Variants in NAALADL2 observed in about 807,000 individuals in gnomAD.
The protein encoded by NAALADL2 is inactive N-acetylated-alpha-linked acidic dipeptidase-like protein 2.
NAALADL2 carries 76 observed loss-of-function variants against 87.2 expected under a neutral mutation model. The observed-to-expected ratio is 0.87, with a 90% confidence interval of 0.72 to 1.05. NAALADL2 has a LOEUF of 1.05. NAALADL2 is among the 50% of genes least tolerant of loss of function. The pLI, the probability that NAALADL2 is intolerant of heterozygous loss-of-function variation, is 0.00. For synonymous variants in NAALADL2, 354 were observed against 331.0 expected, an observed-to-expected ratio of 1.07 and a Z score of -0.75; for missense variants, 1,089 against 945.8, an observed-to-expected ratio of 1.15 and a Z score of -1.99.
At chr3:175,755,069 A>G in intron 12 of NAALADL2, 151 bp from the exon 13 acceptor site, 2 of 535,418 alleles carry the variant, frequency 3.7e-6, no homozygotes, top group Non-Finnish European at 6.3e-6. Context: ...GTCAAGTGAC[A>G]AAAAAAAAGA....
chr3:174,696,028 C>T (rs146592315), intron 2 of NAALADL2, among the ~76,000 whole-genome samples: 5 of 152,098 alleles, frequency 3.3e-5, no homozygotes, highest in African/African-American at 1.2e-4. Context: ...TAAAATGCTC[C>T]TGAGATCTCC....
chr3:174,959,393 C>G (rs1020644890), intron 1 of NAALADL2, among the ~76,000 whole-genome samples: 1 of 151,922 alleles, frequency 6.6e-6, no homozygotes, highest in Non-Finnish European at 1.5e-5. Context: ...ATACTTTGTG[C>G]CATTGTGCTG....
intron 5 of NAALADL2, among the ~76,000 whole-genome samples, chr3:175,446,741 A>G (rs1463057855): frequency 6.6e-6 from 1 of 152,142 alleles, no homozygotes; most frequent in Non-Finnish European, 1.5e-5. Context: ...TTGCAGCCCT[A>G]TTTTAATAGG....
chr3:174,882,868 T>C (rs954148247), intron 1 of NAALADL2, among the ~76,000 whole-genome samples: 1 of 148,204 alleles, frequency 6.7e-6, no homozygotes, highest in African/African-American at 2.5e-5. Flanking sequence ...TACATATGTG[T>C]ATATGTGTAT....
chr3:175,659,528 T>C (rs1731962627), intron 11 of NAALADL2, among the ~76,000 whole-genome samples: 1 of 152,186 alleles, frequency 6.6e-6, no homozygotes, highest in South Asian at 2.1e-4. Flanking sequence ...TTTTTAGTTA[T>C]TGGAATATTG....
At chr3:175,733,944 C>T (rs756587091) in intron 11 of NAALADL2, among the ~76,000 whole-genome samples, 2 of 152,306 alleles carry the variant, frequency 1.3e-5, no homozygotes, top group Non-Finnish European at 2.9e-5. Context: ...AGGTGGGTTC[C>T]CATGGCCTTG....
intron 1 of NAALADL2, among the ~76,000 whole-genome samples, chr3:174,895,749 A>G (rs1362008970): frequency 1.3e-5 from 2 of 152,140 alleles, no homozygotes; most frequent in Admixed American, 6.6e-5. Flanking sequence ...GCAAACAAAC[A>G]AACAACTGCA....
intron 11 of NAALADL2, among the ~76,000 whole-genome samples, chr3:175,691,225 T>G (rs1736993507): frequency 6.6e-6 from 1 of 150,794 alleles, no homozygotes; most frequent in African/African-American, 2.4e-5. Context: ...TGTATATATA[T>G]TTATCTCTGT....
intron 9 of NAALADL2, among the ~76,000 whole-genome samples, chr3:175,517,522 T>C (rs1413165002): frequency 6.6e-6 from 1 of 152,214 alleles, no homozygotes; most frequent in African/African-American, 2.4e-5. Flanking sequence ...GCAAATTTGC[T>C]ATTTGTGTTA....
intron 9 of NAALADL2, among the ~76,000 whole-genome samples, chr3:175,544,109 G>A (rs563900822): frequency 6.6e-6 from 1 of 152,280 alleles, no homozygotes; most frequent in African/African-American, 2.4e-5. Flanking sequence ...AACAGTGTCA[G>A]GATTCTGGGC....
At chr3:174,715,056 CAT>C (rs1266881197) in intron 2 of NAALADL2, among the ~76,000 whole-genome samples, 30 of 152,128 alleles carry the variant, frequency 2.0e-4, no homozygotes, top group Non-Finnish European at 1.5e-5. Context: ...TTGAGATAAT[CAT>C]GTGACAATTT....
rs796222043 is a variant in NAALADL2, at chr3:174,686,487, C to CT, written c.-114-51143dup. Among the ~76,000 whole-genome samples the CT allele has an allele frequency of 1.5e-3, 213 of 145,700 alleles. No individual in the cohort carries two copies. In the East Asian group the frequency reaches 0.016, roughly 11 times the overall value. On this transcript the variant is annotated intron_variant, in intron 2 of 3. Transcript: ENST00000434257. ...TGTTAAGCTTTTTTCATATGTTGAG[C>CT]TTTTTTTTTTTCCACATGATTATTG...
chr3:174,639,470 T>C (rs1722962783), intron 2 of NAALADL2, among the ~76,000 whole-genome samples: 1 of 152,164 alleles, frequency 6.6e-6, no homozygotes. Context: ...CACTGGGAGT[T>C]TGAAATCAGA....
intron 3 of NAALADL2, among the ~76,000 whole-genome samples, chr3:174,815,478 G>A (rs1358964660): frequency 6.6e-6 from 1 of 152,120 alleles, no homozygotes; most frequent in Non-Finnish European, 1.5e-5. Flanking sequence ...AGGCTGGAGT[G>A]CAGTGGCACA....
intron 1 of NAALADL2, among the ~76,000 whole-genome samples, chr3:175,041,364 A>G (rs565562620): frequency 1.7e-4 from 26 of 152,326 alleles, no homozygotes; most frequent in Admixed American, 4.6e-4. Context: ...ATCTATTTGC[A>G]GAATGACTTG....
intron 4 of NAALADL2, among the ~76,000 whole-genome samples, chr3:175,278,804 TAGAG>T (rs1753913961): frequency 6.6e-6 from 1 of 152,136 alleles, no homozygotes; most frequent in Non-Finnish European, 1.5e-5. Flanking sequence ...TGGCAGAACT[TAGAG>T]AGTTGGAATC....
intron 4 of NAALADL2, among the ~76,000 whole-genome samples, chr3:175,302,048 A>C (rs1168076750): frequency 2.6e-5 from 4 of 152,164 alleles, no homozygotes; most frequent in Non-Finnish European, 5.9e-5. Context: ...TGCAGAAAGC[A>C]GTAATCAATC....
At chr3:175,276,141 T>TA (rs11388464) in intron 4 of NAALADL2, among the ~76,000 whole-genome samples, 97,762 of 149,436 alleles carry the variant, frequency 0.65, 32,233 homozygotes, top group East Asian at 0.77. Context: ...CATCATGAAG[T>TA]AAAAAAAAAA....
chr3:175,578,043 GC>G (rs1719159059), intron 10 of NAALADL2, among the ~76,000 whole-genome samples: 1 of 152,046 alleles, frequency 6.6e-6, no homozygotes, highest in Admixed American at 6.6e-5. Flanking sequence ...GAATTAGGAG[GC>G]CTGAAATTTT....
Sources: allele counts gnomAD v4.1 joint callset (sites outside exome capture counted in the v4.1 genomes callset), GRCh38; gene constraint gnomAD v4.1.1; transcripts MANE v1.5; gene names NCBI Gene and HGNC (gene_info 2026-07-23, HGNC 2026-07-21).